TPH2: variants seen among roughly 807,000 people sequenced by gnomAD.
TPH2 encodes tryptophan 5-hydroxylase 2.
TPH2 carries 27 observed loss-of-function variants against 59.1 expected under a neutral mutation model. That is an observed-to-expected ratio of 0.46 (90% CI 0.34 to 0.63). The LOEUF (loss-of-function observed/expected upper bound fraction) is 0.63. TPH2 is among the 30% of genes least tolerant of loss of function. The pLI, the probability that TPH2 is intolerant of heterozygous loss-of-function variation, is 0.01. For missense variants in TPH2, 523 were observed against 588.3 expected, an observed-to-expected ratio of 0.89 and a Z score of 1.15; for synonymous variants, 220 against 210.5, an observed-to-expected ratio of 1.05 and a Z score of -0.39.
At chr12:72,017,734 C>T (rs1015422286) in intron 8 of TPH2, among the ~76,000 whole-genome samples, 1 of 152,074 alleles carries the variant, frequency 6.6e-6, no homozygotes, top group Non-Finnish European at 1.5e-5. Flanking sequence ...ATTATAGATC[C>T]ACATCTGGAG....
chr12:71,978,287 C>A lies in TPH2; in HGVS notation c.806-665C>A, dbSNP rs538597158. On this transcript the variant is annotated intron_variant, in intron 6 of 10. Transcript: ENST00000333850. Reference sequence around the variant, plus strand: ...TCCTGAGAAGAAAACATTAAGTAGCCCTTAGACTGAGAACACTGATGACTC... The same window carrying A: ...TCCTGAGAAGAAAACATTAAGTAGCACTTAGACTGAGAACACTGATGACTC... Among the ~76,000 whole-genome samples the A allele has an allele frequency of 2.0e-5, 3 of 151,868 alleles. No individual in the cohort carries two copies. The South Asian group carries it at 6.3e-4, about 32-fold the overall frequency.
intron 8 of TPH2, among the ~76,000 whole-genome samples, chr12:72,019,408 C>A (rs191504957): frequency 3.9e-5 from 6 of 152,312 alleles, no homozygotes; most frequent in Admixed American, 3.9e-4. Flanking sequence ...TCTATTCCTG[C>A]CTCAGGGTCT....
chr12:71,974,993 G>A (rs1222055631), intron 6 of TPH2, among the ~76,000 whole-genome samples: 1 of 151,810 alleles, frequency 6.6e-6, no homozygotes, highest in Admixed American at 6.6e-5. Context: ...TAGGCTTTTC[G>A]GGCCAAGAGG....
intron 2 of TPH2, 38 bp downstream of exon 2, chr12:71,941,771 C>T (rs1871076139): frequency 1.3e-6 from 2 of 1,592,164 alleles, no homozygotes; most frequent in South Asian, 2.2e-5. Flanking sequence ...TTAAAAGTGA[C>T]CGTGTGCCTG....
intron 5 of TPH2, among the ~76,000 whole-genome samples, chr12:71,950,562 A>G (rs1268758939): frequency 6.6e-6 from 1 of 152,172 alleles, no homozygotes; most frequent in Non-Finnish European, 1.5e-5. Context: ...AGTGGTGGTT[A>G]GGCCTGTGTT....
chr12:71,983,466 A>C (rs1872344025), intron 7 of TPH2, among the ~76,000 whole-genome samples: 1 of 152,182 alleles, frequency 6.6e-6, no homozygotes, highest in African/African-American at 2.4e-5. Flanking sequence ...GGAAAGATGC[A>C]GAGTTCCAAG....
chr12:71,962,944 C>T lies in TPH2; in HGVS notation c.609-9575C>T, dbSNP rs1445879060. ...ATGTTGGCCAGGCTGGTCTTGACCCCCTGACCTCAGGTGATCCACCCGCCT... is the reference window on the plus strand; with the variant it reads ...ATGTTGGCCAGGCTGGTCTTGACCCTCTGACCTCAGGTGATCCACCCGCCT... On this transcript the variant is annotated intron_variant, in intron 5 of 10. Transcript: ENST00000333850. Among the ~76,000 whole-genome samples the T allele has an allele frequency of 3.8e-5, 2 of 52,734 alleles. 1 individual carries two copies. The highest frequency in any genetic ancestry group is 9.7e-5 in the Non-Finnish European group (2 of 20,572). 34.6% of individuals were successfully genotyped at this position (52,734 alleles called of 152,430 possible).
chr12:71,964,592 A>T, intron 5 of TPH2: 1 of 985,346 alleles, frequency 1.0e-6, no homozygotes, highest in Non-Finnish European at 1.2e-6. Flanking sequence ...AGACACCTGG[A>T]TGCAGGTGAT....
At chr12:72,010,628 C>T (rs146408434) in intron 8 of TPH2, among the ~76,000 whole-genome samples, 10 of 152,260 alleles carry the variant, frequency 6.6e-5, no homozygotes, top group East Asian at 5.8e-4. Context: ...CTCTGTCTTG[C>T]CTGGAAAGAA....
chr12:71,968,762 T>A (rs1284024131), intron 5 of TPH2, among the ~76,000 whole-genome samples: 2 of 152,086 alleles, frequency 1.3e-5, no homozygotes, highest in Admixed American at 6.5e-5. Flanking sequence ...GTGGATGAGG[T>A]CTGGGGAGAG....
intron 5 of TPH2, among the ~76,000 whole-genome samples, chr12:71,952,119 G>A (rs556399739): frequency 6.6e-6 from 1 of 152,286 alleles, no homozygotes; most frequent in South Asian, 2.1e-4. Context: ...GAGTCATTTG[G>A]TTTTAAAGAA....
chr12:71,986,019 C>A (rs1224367625), intron 7 of TPH2, among the ~76,000 whole-genome samples: 2 of 152,188 alleles, frequency 1.3e-5, no homozygotes, highest in Non-Finnish European at 2.9e-5. Context: ...TAACCTCTGT[C>A]CTGGAGAAAC....
intron 2 of TPH2, among the ~76,000 whole-genome samples, chr12:71,942,208 C>T (rs10748186): frequency 0.42 from 63,915 of 151,944 alleles, 14,252 homozygotes; most frequent in Middle Eastern, 0.49. Context: ...TATCTTTTTG[C>T]GAAGATGAGT....
chr12:72,002,911 A>AT (rs1486545150), intron 8 of TPH2, among the ~76,000 whole-genome samples: 1 of 152,162 alleles, frequency 6.6e-6, no homozygotes, highest in Non-Finnish European at 1.5e-5. Context: ...GTGTATTTGA[A>AT]TTTTCAGGAT....
At chr12:72,011,911 C>T (rs188522379) in intron 8 of TPH2, among the ~76,000 whole-genome samples, 2 of 152,130 alleles carry the variant, frequency 1.3e-5, no homozygotes, top group Non-Finnish European at 2.9e-5. Context: ...AGAGAGAGGT[C>T]AAAGAGCAGA....
intron 5 of TPH2, among the ~76,000 whole-genome samples, chr12:71,969,193 G>T (rs959985837): frequency 1.3e-5 from 2 of 152,172 alleles, no homozygotes; most frequent in African/African-American, 4.8e-5. Flanking sequence ...TGAGGCAGGA[G>T]AATGGCGTGA....
At chr12:71,945,781 A>G (rs749007923) in intron 4 of TPH2, among the ~76,000 whole-genome samples, 1 of 152,202 alleles carries the variant, frequency 6.6e-6, no homozygotes, top group African/African-American at 2.4e-5. Context: ...ACTCAGACCA[A>G]TTCAAATATA....
At chr12:71,999,443 C>T (rs1872768976) in intron 8 of TPH2, among the ~76,000 whole-genome samples, 1 of 152,172 alleles carries the variant, frequency 6.6e-6, no homozygotes, top group Admixed American at 6.5e-5. Flanking sequence ...CTGTTTCATA[C>T]TCATCATAGC....
At chr12:71,985,032 A>G (rs1872391415) in intron 7 of TPH2, among the ~76,000 whole-genome samples, 1 of 151,822 alleles carries the variant, frequency 6.6e-6, no homozygotes, top group South Asian at 2.1e-4. Context: ...CTATATATCA[A>G]CTGGACACAG....
Sources: allele counts gnomAD v4.1 joint callset (sites outside exome capture counted in the v4.1 genomes callset), GRCh38; gene constraint gnomAD v4.1.1; transcripts MANE v1.5; gene names NCBI Gene and HGNC (gene_info 2026-07-23, HGNC 2026-07-21).